Variants in FBXO8 observed in about 807,000 individuals in gnomAD.
FBXO8 encodes F-box only protein 8.
In FBXO8, 15 loss-of-function variants were observed where a neutral mutation model predicts 33.4. That is an observed-to-expected ratio of 0.45 (90% CI 0.30 to 0.69). FBXO8 has a LOEUF of 0.69. Among genes scored for constraint, FBXO8 ranks in the 30% least tolerant of loss-of-function variants. FBXO8 has a pLI of 0.08. For synonymous variants in FBXO8, 132 were observed against 131.5 expected (o/e 1.00, Z -0.02); for missense variants, 274 against 380.3 (o/e 0.72, Z 2.32).
Position 174,277,893 on chromosome 4 carries a change from G to T in FBXO8, c.-9+5517C>A, listed in dbSNP as rs752567752. Among the ~76,000 whole-genome samples the T allele has an allele frequency of 4.6e-5, 7 of 151,922 alleles. No homozygotes were observed. The highest frequency in any genetic ancestry group is 1.3e-4 in the Admixed American group (2 of 15,266). The stretch of plus-strand genomic sequence containing the variant: ...GTAAAAAGTAGCAACTCTATTTTTG[G>T]TTACTTCAGGTTTTAAAAATCTTTA... On this transcript the variant is annotated intron_variant, in intron 1 of 5. Transcript: ENST00000393674. The surrounding 1 kb of genome is among the most constrained non-coding windows in gnomAD (Gnocchi z 4.9).
At position 174,265,288 on chromosome 4, in the gene FBXO8, AT is replaced by A. The variant is rs1282524093; in HGVS notation, c.-8-2189del. ...CTAATTAAAAGCTTTTTATTTAGGTATTTACCTAATTAAAAGCTTTTTATTT... is the reference window on the plus strand; with the variant it reads ...CTAATTAAAAGCTTTTTATTTAGGTATTACCTAATTAAAAGCTTTTTATTT... On this transcript the variant is annotated intron_variant, in intron 1 of 5. Coordinates refer to ENST00000393674, the MANE Select transcript of FBXO8 (RefSeq NM_012180.3). The surrounding 1 kb of genome is among the most constrained non-coding windows in gnomAD (Gnocchi z 4.7). 5.0e-5 allele frequency among the ~76,000 whole-genome samples: 7 copies of A among 138,750 alleles called. No homozygotes were observed. Among genetic ancestry groups the A allele is most frequent in the South Asian group, 4.5e-4 (2 of 4,410 alleles). 91.0% of individuals were successfully genotyped at this position (138,750 alleles called of 152,430 possible).
In FBXO8 at chr4:174,253,850, C is replaced by T. The variant is rs573220378; in HGVS notation, c.456+5849G>A. On this transcript the variant is annotated intron_variant, in intron 3 of 5. Transcript: ENST00000393674. This position sits in a 1 kb window ranked among gnomAD's most constrained non-coding sequence, Gnocchi z 4.5. ...GAGGAGAAAGCTTCTTTTTCTGCCT[C>T]TCTTTCTTTGTACTGGGGACACTAT... Among the ~76,000 whole-genome samples the T allele has an allele frequency of 3.3e-5, 5 of 152,264 alleles. No homozygotes were observed. The highest frequency in any genetic ancestry group is 1.2e-4 in the African/African-American group (5 of 41,568).
chr4:174,245,305 T>A lies in FBXO8; in HGVS notation c.457-4087A>T, dbSNP rs1736135559. Among the ~76,000 whole-genome samples the A allele has an allele frequency of 6.6e-6, 1 of 151,818 alleles. No individual in the cohort carries two copies. The highest frequency in any genetic ancestry group is 1.5e-5 in the Non-Finnish European group (1 of 67,822). ...AGTTCAATGAAAGGAAAAGTCACTA[T>A]GGGATAGGACGTTTGGATAAGGTTT... On this transcript the variant is annotated intron_variant, in intron 3 of 5. Transcript: ENST00000393674. The surrounding 1 kb of genome is among the most constrained non-coding windows in gnomAD (Gnocchi z 4.6).
intron 5 of FBXO8, 95 bp downstream of exon 5, chr4:174,238,899 T>C (rs1330507851): frequency 1.3e-6 from 1 of 748,460 alleles, no homozygotes; most frequent in African/African-American, 1.8e-5. Context: ...TTACTGAGAA[T>C]ATTTTTCCCC....
At chr4:174,266,588 A>C (rs2126441169) in intron 1 of FBXO8, among the ~76,000 whole-genome samples, 1 of 152,314 alleles carries the variant, frequency 6.6e-6, no homozygotes, top group South Asian at 2.1e-4. Flanking sequence ...TAAAACTCTC[A>C]AAATGACGTG....
At chr4:174,239,499 G>A (rs1735977698) in intron 4 of FBXO8, among the ~76,000 whole-genome samples, 1 of 151,828 alleles carries the variant, frequency 6.6e-6, no homozygotes, top group Non-Finnish European at 1.5e-5. Flanking sequence ...CTTTTTAAGT[G>A]CCTTCTTGGC....
Position 174,259,340 on chromosome 4 carries a change from TAAACAGAAAA to T in FBXO8, c.456+349_456+358del, listed in dbSNP as rs1736489686. Among the ~76,000 whole-genome samples, 1 of 151,980 alleles carries T rather than the reference TAAACAGAAAA, an allele frequency of 6.6e-6. No individual in the cohort carries two copies. The highest frequency in any genetic ancestry group is 1.5e-5 in the Non-Finnish European group (1 of 67,908). ...TAACATCACTACTAAGGAAAAACAATAAACAGAAAAAAACTGCTGCAGATAAAATCTGATG... is the reference window on the plus strand; with the variant it reads ...TAACATCACTACTAAGGAAAAACAATAAACTGCTGCAGATAAAATCTGATG... On this transcript the variant is annotated intron_variant, in intron 3 of 5. Transcript: ENST00000393674. This position sits in a 1 kb window ranked among gnomAD's most constrained non-coding sequence, Gnocchi z 4.3.
chr4:174,282,693 T>C (rs1737148856), intron 1 of FBXO8, among the ~76,000 whole-genome samples: 1 of 152,178 alleles, frequency 6.6e-6, no homozygotes. Flanking sequence ...AAAATCATGA[T>C]ATATTCATTT....
chr4:174,273,323 TAA>T (rs368582397), intron 1 of FBXO8, among the ~76,000 whole-genome samples: 1 of 109,478 alleles, frequency 9.1e-6, no homozygotes, highest in African/African-American at 3.4e-5. Context: ...TCATAAAAGT[TAA>T]AAAAAAAAAA....
At position 174,275,490 on chromosome 4, in the gene FBXO8, CTT is replaced by C. The variant is rs1257702950; in HGVS notation, c.-9+7918_-9+7919del. Among the ~76,000 whole-genome samples the C allele has an allele frequency of 2.0e-5, 3 of 152,020 alleles. No homozygotes were observed. The highest frequency in any genetic ancestry group is 7.3e-5 in the African/African-American group (3 of 41,374). On this transcript the variant is annotated intron_variant, in intron 1 of 5. Transcript: ENST00000393674. The surrounding 1 kb of genome is among the most constrained non-coding windows in gnomAD (Gnocchi z 4.4). The stretch of plus-strand genomic sequence containing the variant: ...GTGTACAAGGGATGACTCTATATTT[CTT>C]GAGACTGCATGTACATCTACAATTA...
In FBXO8 at chr4:174,278,306, GGCATACCATTT is replaced by G. The variant is rs1336384057; in HGVS notation, c.-9+5093_-9+5103del. Among the ~76,000 whole-genome samples, 1 of 152,056 alleles carries G rather than the reference GGCATACCATTT, an allele frequency of 6.6e-6. No homozygotes were observed. The highest frequency in any genetic ancestry group is 1.9e-4 in the East Asian group (1 of 5,192). On this transcript the variant is annotated intron_variant, in intron 1 of 5. Transcript: ENST00000393674. The surrounding 1 kb of genome is among the most constrained non-coding windows in gnomAD (Gnocchi z 4.1). ...GCAAGAGCAGTTTTTGTTACTAAAAGGCATACCATTTGCAGGTTTTGGTTTTTTTTAATTCA... is the reference window on the plus strand; with the variant it reads ...GCAAGAGCAGTTTTTGTTACTAAAAGGCAGGTTTTGGTTTTTTTTAATTCA...
chr4:174,248,231 G>A (rs924238717), intron 3 of FBXO8, among the ~76,000 whole-genome samples: 1 of 151,930 alleles, frequency 6.6e-6, no homozygotes, highest in Non-Finnish European at 1.5e-5. Flanking sequence ...ATACATAACA[G>A]AAATGTCACA....
chr4:174,262,439 T>C lies in FBXO8; in HGVS notation c.329+325A>G, dbSNP rs1051265512. Among the ~76,000 whole-genome samples the C allele has an allele frequency of 2.0e-5, 3 of 152,226 alleles. No individual in the cohort carries two copies. The highest frequency in any genetic ancestry group is 7.2e-5 in the African/African-American group (3 of 41,458). On this transcript the variant is annotated intron_variant, in intron 2 of 5. Coordinates refer to ENST00000393674, the MANE Select transcript of FBXO8 (RefSeq NM_012180.3). The surrounding 1 kb of genome is among the most constrained non-coding windows in gnomAD (Gnocchi z 4.6). ...ACACAGCATGTGAACACTCCAACTT[T>C]TAAATTAGAAATTCTCACTCCACAA... is the stretch of plus-strand genomic sequence containing the variant.
At position 174,270,047 on chromosome 4, in the gene FBXO8, A is replaced by T. The variant is rs116304480; in HGVS notation, c.-8-6947T>A. Reference sequence around the variant, plus strand: ...AAATACACTCAGGGAGCATGGTAGTAAACAGGAAACTTAGAAGCCTGACAT... The same window carrying T: ...AAATACACTCAGGGAGCATGGTAGTTAACAGGAAACTTAGAAGCCTGACAT... On this transcript the variant is annotated intron_variant, in intron 1 of 5. Coordinates refer to ENST00000393674, the MANE Select transcript of FBXO8 (RefSeq NM_012180.3). This position sits in a 1 kb window ranked among gnomAD's most constrained non-coding sequence, Gnocchi z 4.6. Among the ~76,000 whole-genome samples the T allele has an allele frequency of 7.5e-3, 1,148 of 152,344 alleles. 5 individuals carry two copies. The highest frequency in any genetic ancestry group is 0.01 in the Non-Finnish European group (686 of 68,032).
intron 3 of FBXO8, among the ~76,000 whole-genome samples, chr4:174,244,232 G>T (rs1451384983): frequency 6.6e-6 from 1 of 151,472 alleles, no homozygotes; most frequent in Non-Finnish European, 1.5e-5. Context: ...TTTTAAAACA[G>T]AAATAGAGTT....
rs1053541097 is a variant in FBXO8, at chr4:174,274,119, G to A, written c.-9+9291C>T. On this transcript the variant is annotated intron_variant, in intron 1 of 5. Coordinates refer to ENST00000393674, the MANE Select transcript of FBXO8 (RefSeq NM_012180.3). This position sits in a 1 kb window ranked among gnomAD's most constrained non-coding sequence, Gnocchi z 4.0. ...ACTGGTTCTCATCTCTTTTTACCCC[G>A]TCACTGTTTATTACCTCCATCGTTG... is the stretch of plus-strand genomic sequence containing the variant. Among the ~76,000 whole-genome samples the A allele has an allele frequency of 4.6e-5, 7 of 152,148 alleles. No homozygotes were observed. The highest frequency in any genetic ancestry group is 2.1e-4 in the South Asian group (1 of 4,812).
rs1736683484 is a variant in FBXO8, at chr4:174,265,792, C to T, written c.-8-2692G>A. Among the ~76,000 whole-genome samples, 1 of 152,074 alleles carries T rather than the reference C, an allele frequency of 6.6e-6. No homozygotes were observed. Among genetic ancestry groups the T allele is most frequent in the South Asian group, 2.1e-4 (1 of 4,826 alleles). On this transcript the variant is annotated intron_variant, in intron 1 of 5. Coordinates refer to ENST00000393674, the MANE Select transcript of FBXO8 (RefSeq NM_012180.3). The surrounding 1 kb of genome is among the most constrained non-coding windows in gnomAD (Gnocchi z 4.7). ...CATTAAGTACAACTTAATTTTGACACAAATTGAACATTTTAAGTCTACTAA... is the reference window on the plus strand; with the variant it reads ...CATTAAGTACAACTTAATTTTGACATAAATTGAACATTTTAAGTCTACTAA...
Position 174,238,499 on chromosome 4 carries a change from G to A in FBXO8, c.772+495C>T, listed in dbSNP as rs138988200. Among the ~76,000 whole-genome samples, 160 of 151,484 alleles carry A rather than the reference G, an allele frequency of 1.1e-3. 1 individual carries two copies. The highest frequency in any genetic ancestry group is 3.5e-3 in the African/African-American group (144 of 41,418). On this transcript the variant is annotated intron_variant, in intron 5 of 5. Coordinates refer to ENST00000393674, the MANE Select transcript of FBXO8 (RefSeq NM_012180.3). ...ATATGAATTGAAACAATATGTAGAAGATTCAGGCTATATCATAAGCATACA... is the reference window on the plus strand; with the variant it reads ...ATATGAATTGAAACAATATGTAGAAAATTCAGGCTATATCATAAGCATACA...
rs189616997 is a variant in FBXO8 at position 174,258,782 on chromosome 4, T to G, written c.456+917A>C. Among the ~76,000 whole-genome samples, 637 of 152,164 alleles carry G rather than the reference T, an allele frequency of 4.2e-3. 4 individuals are homozygous for G. The highest frequency in any genetic ancestry group is 7.4e-3 in the Non-Finnish European group (501 of 67,942). ...TAAAATTGGTATTTTTGTTTAAGAC[T>G]CAAATATTTTACATAGGAGAAACAT... On this transcript the variant is annotated intron_variant, in intron 3 of 5. Transcript: ENST00000393674.
Sources: allele counts gnomAD v4.1 joint callset (sites outside exome capture counted in the v4.1 genomes callset), GRCh38; gene constraint gnomAD v4.1.1; non-coding constraint Gnocchi (gnomAD v3.1); transcripts MANE v1.5; gene names NCBI Gene and HGNC (gene_info 2026-07-23, HGNC 2026-07-21).